Variants in DOP1B observed in about 807,000 individuals in gnomAD.
DOP1B encodes protein DOP1B.
In DOP1B, 174 loss-of-function variants were observed where a neutral mutation model predicts 233.5. The ratio of observed to expected loss-of-function variants is 0.75; its 90% CI spans 0.66 to 0.85. The LOEUF is 0.85. Among genes scored for constraint, DOP1B ranks in the 40% least tolerant of loss-of-function variants. The probability of loss-of-function intolerance (pLI) is 0.00; values close to 1 mark genes in which losing one functional copy is unlikely to be tolerated. For synonymous variants in DOP1B, 1,190 were observed against 1,185.6 expected (o/e 1.00, Z -0.08); for missense variants, 2,652 against 2,846.6 (o/e 0.93, Z 1.56).
intron 1 of DOP1B, among the ~76,000 whole-genome samples, chr21:36,162,090 G>T (rs2065874560): frequency 6.6e-6 from 1 of 152,310 alleles, no homozygotes; most frequent in Admixed American, 6.5e-5. Flanking sequence ...AGTTCTGGAG[G>T]CTGAGAAGTT....
chr21:36,264,207 G>A (rs929640689), intron 26 of DOP1B, among the ~76,000 whole-genome samples: 2 of 152,202 alleles, frequency 1.3e-5, no homozygotes, highest in Admixed American at 6.5e-5. Flanking sequence ...GATTGCTTAA[G>A]CTCAGGAGTT....
intron 12 of DOP1B, among the ~76,000 whole-genome samples, chr21:36,227,402 C>T (rs1230310604): frequency 1.3e-5 from 2 of 151,172 alleles, no homozygotes; most frequent in Non-Finnish European, 2.9e-5. Flanking sequence ...AAAAAATTAG[C>T]CGGGCGTGGT....
chr21:36,207,900 G>A (rs779007666), intron 4 of DOP1B, among the ~76,000 whole-genome samples: 18 of 152,184 alleles, frequency 1.2e-4, no homozygotes, highest in South Asian at 1.0e-3. Flanking sequence ...GGAAAGGGCC[G>A]CAGTCAGCTG....
rs888285924 is a variant in DOP1B, at chr21:36,245,190, A to G, written c.3210A>G (p.Glu1070=). Residue 1070 remains glutamate, a synonymous_variant, in exon 19 of 37, where the codon GAA becomes GAG. Transcript: ENST00000691173. This position sits in a 1 kb window ranked among gnomAD's most constrained non-coding sequence, Gnocchi z 5.5. ...TTVDREAIWA[E]VEKEPEKYPL... The stretch of plus-strand genomic sequence containing the variant: ...TGGACCGTGAAGCCATTTGGGCCGA[A>G]GTGGAGAAGGAGCCCGAGAAGTACC... The G allele has an allele frequency of 2.5e-6, 4 of 1,613,952 alleles. No homozygotes were observed. Among genetic ancestry groups the G allele is most frequent in the Non-Finnish European group, 3.4e-6 (4 of 1,180,046 alleles).
intron 15 of DOP1B, 100 bp downstream of exon 15, chr21:36,233,175 G>A: frequency 2.1e-6 from 3 of 1,434,450 alleles, no homozygotes; most frequent in East Asian, 4.9e-5. Context: ...CCACTTCTCT[G>A]AGAGTGATAT....
intron 1 of DOP1B, among the ~76,000 whole-genome samples, chr21:36,160,394 G>A (rs958239657): frequency 5.3e-5 from 8 of 151,958 alleles, no homozygotes; most frequent in African/African-American, 1.9e-4. Flanking sequence ...GGATGGGTCC[G>A]TCTTGGGGTT....
At chr21:36,249,838 CGTT>C (rs1220777831) in intron 21 of DOP1B, among the ~76,000 whole-genome samples, 1 of 152,116 alleles carries the variant, frequency 6.6e-6, no homozygotes, top group Non-Finnish European at 1.5e-5. Flanking sequence ...TACCACGGTG[CGTT>C]GTTGGCCTCC....
chr21:36,241,539 C>T (rs1412423305), intron 18 of DOP1B, among the ~76,000 whole-genome samples: 3 of 118,320 alleles, frequency 2.5e-5, no homozygotes, highest in South Asian at 2.9e-4. Context: ...GACAGAGTCT[C>T]GCTCTGTCAC....
intron 2 of DOP1B, among the ~76,000 whole-genome samples, chr21:36,182,718 A>G (rs2066114943): frequency 6.6e-6 from 1 of 152,126 alleles, no homozygotes; most frequent in East Asian, 1.9e-4. Context: ...GGTCCCAGCT[A>G]GTTGGGAGGT....
chr21:36,165,469 C>T (rs957974532), intron 2 of DOP1B, among the ~76,000 whole-genome samples: 1 of 152,106 alleles, frequency 6.6e-6, no homozygotes, highest in African/African-American at 2.4e-5. Flanking sequence ...AAAACCAAAA[C>T]TGGTCACACG....
chr21:36,278,050 C>T lies in DOP1B; in HGVS notation c.5788C>T (p.Leu1930Phe). The change falls in exon 29 of 37, where the codon CTT becomes TTT. Residue 1930 changes from leucine to phenylalanine, a missense_variant. Physicochemically the swap from Leu to Phe is conservative, Grantham distance 22. This residue lies in a region of DOP1B where 2,617 missense variants were observed against 2,794.3 expected (regional missense o/e 0.94). Transcript: ENST00000691173. ...AGCTGTGCCGTTAATCTCCCGTCTG[C>T]TTTACTATGTTTTTCCATACTTACG... ...EKAVPLISRL[L>F]YYVFPYLRNH... The T allele has an allele frequency of 6.2e-7, 1 of 1,614,156 alleles. No homozygotes were observed. The highest frequency in any genetic ancestry group is 8.5e-7 in the Non-Finnish European group (1 of 1,180,022).
chr21:36,240,692 G>A (rs1461630361), intron 18 of DOP1B, among the ~76,000 whole-genome samples: 2 of 151,646 alleles, frequency 1.3e-5, no homozygotes, highest in African/African-American at 2.4e-5. Context: ...GTAGAAATTA[G>A]GAAAGAAAAG....
intron 2 of DOP1B, among the ~76,000 whole-genome samples, chr21:36,190,806 G>A (rs2066225272): frequency 1.3e-5 from 2 of 152,208 alleles, no homozygotes; most frequent in African/African-American, 2.4e-5. Flanking sequence ...TCTGGATAGT[G>A]AAACTGTCCT....
chr21:36,269,378 C>A (rs757528592), intron 26 of DOP1B, among the ~76,000 whole-genome samples: 1 of 151,606 alleles, frequency 6.6e-6, no homozygotes, highest in African/African-American at 2.4e-5. Context: ...TGGTCTCAAA[C>A]GCCTGACCTC....
intron 2 of DOP1B, among the ~76,000 whole-genome samples, chr21:36,176,285 C>G (rs1328717957): frequency 2.6e-5 from 4 of 152,094 alleles, no homozygotes; most frequent in Non-Finnish European, 4.4e-5. Flanking sequence ...CAGCCTTCCT[C>G]CCCCACTGGA....
At chr21:36,258,982 T>G (rs1269719708) in intron 23 of DOP1B, among the ~76,000 whole-genome samples, 2 of 149,994 alleles carry the variant, frequency 1.3e-5, no homozygotes, top group East Asian at 2.0e-4. Flanking sequence ...GTTTTTTTTT[T>G]TTTTTTTTTT....
intron 2 of DOP1B, among the ~76,000 whole-genome samples, chr21:36,186,759 G>A (rs560291309): frequency 3.6e-4 from 55 of 152,256 alleles, no homozygotes; most frequent in Non-Finnish European, 5.0e-4. Flanking sequence ...GCTCCAGCTC[G>A]TTCTTCAGTA....
intron 30 of DOP1B, among the ~76,000 whole-genome samples, chr21:36,278,994 G>T (rs1468275892): frequency 1.3e-5 from 2 of 152,068 alleles, no homozygotes; most frequent in Non-Finnish European, 2.9e-5. Context: ...GACCCTGGGG[G>T]TGTCTTTACC....
chr21:36,202,717 A>T (rs189106857), intron 4 of DOP1B, among the ~76,000 whole-genome samples: 325 of 152,286 alleles, frequency 2.1e-3, no homozygotes, highest in African/African-American at 7.3e-3. Flanking sequence ...AGGAGAATCC[A>T]CCTTTACAGT....
Sources: allele counts gnomAD v4.1 joint callset (sites outside exome capture counted in the v4.1 genomes callset), GRCh38; gene constraint gnomAD v4.1.1; regional missense constraint gnomAD v4.1.1; non-coding constraint Gnocchi (gnomAD v3.1); transcripts MANE v1.5; gene names NCBI Gene and HGNC (gene_info 2026-07-23, HGNC 2026-07-21).